Variants in OXR1 observed in about 807,000 individuals in gnomAD.
The protein encoded by OXR1 is oxidation resistance 1, also known as oxidation resistance protein 1.
A neutral mutation model predicts 104.6 loss-of-function variants in OXR1; 41 were observed. That is an observed-to-expected ratio of 0.39 (90% CI 0.31 to 0.51). The LOEUF is 0.51. OXR1 is among the 20% of genes least tolerant of loss of function. The probability of loss-of-function intolerance (pLI) is 0.77; values close to 1 mark genes in which losing one functional copy is unlikely to be tolerated. For synonymous variants in OXR1, 348 were observed against 348.4 expected, an observed-to-expected ratio of 1.00 and a Z score of 0.01; for missense variants, 955 against 1,031.9, an observed-to-expected ratio of 0.93 and a Z score of 1.02.
chr8:106,549,208 G>GC (rs1269023633), intron 3 of OXR1, among the ~76,000 whole-genome samples: 1 of 150,958 alleles, frequency 6.6e-6, no homozygotes. Context: ...AAACCCCCAG[G>GC]CCCCCTTGTA....
At chr8:106,626,000 A>G (rs993253610) in intron 3 of OXR1, among the ~76,000 whole-genome samples, 3 of 151,666 alleles carry the variant, frequency 2.0e-5, no homozygotes, top group African/African-American at 7.3e-5. Flanking sequence ...TAGAATTAAA[A>G]AATATTTTCT....
At chr8:106,416,210 C>T (rs1401365731) in intron 2 of OXR1, among the ~76,000 whole-genome samples, 1 of 152,104 alleles carries the variant, frequency 6.6e-6, no homozygotes. Flanking sequence ...ACAACATCTA[C>T]ACAGTCATGA....
intron 7 of OXR1, among the ~76,000 whole-genome samples, chr8:106,694,922 T>TATATTTATATATATATATAAATATAAA (rs1829817256): frequency 7.7e-6 from 1 of 129,980 alleles, no homozygotes; most frequent in African/African-American, 2.7e-5. Flanking sequence ...CATATTTATA[T>TATATTTATATATATATATAAATATAAA]ATATTTATAT....
chr8:106,690,026 C>T (rs1025959886), intron 6 of OXR1, among the ~76,000 whole-genome samples: 4 of 150,840 alleles, frequency 2.7e-5, no homozygotes, highest in African/African-American at 7.3e-5. Context: ...TATTTTTTAA[C>T]TTAAAATTAA....
intron 2 of OXR1, among the ~76,000 whole-genome samples, chr8:106,389,800 T>G (rs1010158620): frequency 1.1e-4 from 17 of 152,190 alleles, no homozygotes; most frequent in African/African-American, 4.1e-4. Flanking sequence ...GTGCGGTGGC[T>G]CATGCCTGTA....
At chr8:106,276,864 A>G in intron 1 of OXR1, among the ~76,000 whole-genome samples, 1 of 151,774 alleles carries the variant, frequency 6.6e-6, no homozygotes, top group South Asian at 2.1e-4. Flanking sequence ...CCTAATTGGG[A>G]TGAAAATAAG....
intron 3 of OXR1, among the ~76,000 whole-genome samples, chr8:106,564,427 G>A (rs527280063): frequency 1.1e-4 from 16 of 150,940 alleles, no homozygotes; most frequent in East Asian, 3.9e-4. Context: ...ACACACCCCC[G>A]CCCCACCACG....
At chr8:106,749,360 T>C (rs1017590483) in intron 16 of OXR1, among the ~76,000 whole-genome samples, 1 of 143,858 alleles carries the variant, frequency 7.0e-6, no homozygotes, top group Non-Finnish European at 1.5e-5. Flanking sequence ...AAAAAAAAAA[T>C]AGGTCAGTTC....
intron 3 of OXR1, among the ~76,000 whole-genome samples, chr8:106,636,162 C>T (rs1455410597): frequency 2.0e-5 from 3 of 152,248 alleles, no homozygotes; most frequent in Non-Finnish European, 4.4e-5. Context: ...GAGTCCTGTA[C>T]TAATCTCATT....
intron 2 of OXR1, among the ~76,000 whole-genome samples, chr8:106,362,547 A>G (rs1008359248): frequency 1.3e-5 from 2 of 152,182 alleles, no homozygotes; most frequent in Non-Finnish European, 2.9e-5. Context: ...TGTAAAATCT[A>G]AGAAATATAT....
At position 106,703,060 on chromosome 8, in the gene OXR1, T is replaced by G. The variant is rs778022268; in HGVS notation, c.830T>G (p.Leu277Trp). 6.2e-7 allele frequency: 1 copy of G among 1,613,164 alleles called. No homozygotes were observed. The highest frequency in any genetic ancestry group is 8.5e-7 in the Non-Finnish European group (1 of 1,179,456). Residue 277 changes from leucine to tryptophan, a missense_variant, in exon 8 of 17, where the codon TTG becomes TGG. By Grantham distance (61) the Leu-to-Trp change is moderately conservative. Transcript: ENST00000517566. ...VMSAAMYKEI[L>W]DSKIKESLPI... Reference sequence around the variant, plus strand: ...TCAGCTGCAATGTACAAAGAAATTTTGGATAGCAAAATAAAGGAATCTTTA... The same window carrying G: ...TCAGCTGCAATGTACAAAGAAATTTGGGATAGCAAAATAAAGGAATCTTTA...
chr8:106,596,069 A>G (rs1234369515), intron 3 of OXR1, among the ~76,000 whole-genome samples: 1 of 152,116 alleles, frequency 6.6e-6, no homozygotes, highest in East Asian at 1.9e-4. Flanking sequence ...TCTTTTATTC[A>G]TTCCGTTTGT....
chr8:106,652,999 G>C (rs895754621), intron 3 of OXR1, among the ~76,000 whole-genome samples: 4 of 148,056 alleles, frequency 2.7e-5, no homozygotes, highest in Admixed American at 2.0e-4. Context: ...CAACAAATTA[G>C]ATGACTTACA....
chr8:106,546,370 TTTG>T (rs1563595770), intron 3 of OXR1, among the ~76,000 whole-genome samples: 1 of 152,226 alleles, frequency 6.6e-6, no homozygotes. Flanking sequence ...GGACTTGTTA[TTTG>T]TTAAGTACAT....
chr8:106,658,397 AGCTCTTCCTGCTCT>A (rs1350440306), intron 3 of OXR1, among the ~76,000 whole-genome samples: 1 of 152,128 alleles, frequency 6.6e-6, no homozygotes, highest in African/African-American at 2.4e-5. Context: ...GCTGCGTGCC[AGCTCTTCCTGCTCT>A]GCTCTTCCTG....
chr8:106,739,353 G>A, intron 12 of OXR1, 105 bp from the exon 13 acceptor site: 1 of 998,208 alleles, frequency 1.0e-6, no homozygotes, highest in South Asian at 1.6e-5. Context: ...TAAAGATTTA[G>A]CCACATTTTC....
chr8:106,326,570 C>T (rs553627005), intron 1 of OXR1, among the ~76,000 whole-genome samples: 31 of 152,238 alleles, frequency 2.0e-4, no homozygotes, highest in East Asian at 9.7e-4. Flanking sequence ...TCAGCTTTGC[C>T]GCAGGGCAAT....
intron 7 of OXR1, among the ~76,000 whole-genome samples, chr8:106,693,142 A>C (rs1829481633): frequency 6.6e-6 from 1 of 152,206 alleles, no homozygotes; most frequent in Non-Finnish European, 1.5e-5. Context: ...ATATTTCAAA[A>C]GTGTGAATAA....
At chr8:106,447,886 C>A in intron 2 of OXR1, 23 of 1,495,708 alleles carry the variant, frequency 1.5e-5, no homozygotes, top group Non-Finnish European at 1.8e-5. Flanking sequence ...CCCCACCCCC[C>A]AACAGCCGGG....
Sources: gnomAD v4.1 joint callset for allele counts (sites outside exome capture counted in the v4.1 genomes callset) on GRCh38, gnomAD v4.1.1 for gene constraint, MANE v1.5 for transcripts, NCBI Gene and HGNC (gene_info 2026-07-23, HGNC 2026-07-21) for gene names.